Variants in SOX5 observed in about 807,000 individuals in gnomAD.
The protein encoded by SOX5 is SRY-box transcription factor 5, also known as transcription factor SOX-5.
SOX5 carries 9 observed loss-of-function variants against 92.0 expected under a neutral mutation model. That is an observed-to-expected ratio of 0.10 (90% CI 0.06 to 0.17). The LOEUF is 0.17. Among genes scored for constraint, SOX5 ranks in the 10% least tolerant of loss-of-function variants. The pLI is 1.00. For missense variants in SOX5, 642 were observed against 944.5 expected (o/e 0.68, Z 4.20); for synonymous variants, 344 against 336.3 (o/e 1.02, Z -0.25).
At chr12:24,500,190 T>C (rs1251388929) in intron 1 of SOX5, among the ~76,000 whole-genome samples, 1 of 152,218 alleles carries the variant, frequency 6.6e-6, no homozygotes, top group Non-Finnish European at 1.5e-5. Context: ...AATCTCTGAC[T>C]AGGAAGTCAT....
chr12:24,053,662 T>G (rs1158541357), intron 4 of SOX5, among the ~76,000 whole-genome samples: 1 of 152,196 alleles, frequency 6.6e-6, no homozygotes, highest in Non-Finnish European at 1.5e-5. Flanking sequence ...CAAAGTCATT[T>G]CATTGTTTGC....
At chr12:23,876,915 G>A (rs1395642472) in intron 2 of SOX5, among the ~76,000 whole-genome samples, 41 of 152,200 alleles carry the variant, frequency 2.7e-4, no homozygotes, top group Non-Finnish European at 7.4e-5. Flanking sequence ...AACACCTCAT[G>A]TTCTCACTCA....
upstream of SOX5, chr12:23,950,776 G>C: frequency 3.4e-6 from 4 of 1,167,902 alleles, no homozygotes; most frequent in Non-Finnish European, 1.2e-6. Flanking sequence ...CAATTATCTA[G>C]ATAAAAATCT....
chr12:23,800,890 T>C (rs1259906424), intron 3 of SOX5, among the ~76,000 whole-genome samples: 2 of 152,096 alleles, frequency 1.3e-5, no homozygotes, highest in Non-Finnish European at 2.9e-5. Context: ...CAATAGGAAA[T>C]TAGATAATGA....
chr12:23,958,925 G>C (rs539611667), intron 4 of SOX5, among the ~76,000 whole-genome samples: 1 of 151,776 alleles, frequency 6.6e-6, no homozygotes, highest in East Asian at 1.9e-4. Context: ...ATAACACCTA[G>C]TCATTAGAGA....
chr12:23,713,262 G>A (rs1001100332), intron 6 of SOX5, among the ~76,000 whole-genome samples: 5 of 152,174 alleles, frequency 3.3e-5, no homozygotes, highest in African/African-American at 1.2e-4. Flanking sequence ...TGCTACAGAT[G>A]CTTCCTCAGA....
At chr12:23,551,618 A>C (rs1413004876) in intron 11 of SOX5, among the ~76,000 whole-genome samples, 1 of 151,972 alleles carries the variant, frequency 6.6e-6, no homozygotes, top group African/African-American at 2.4e-5. Context: ...ATCCGTGAGA[A>C]TAGCCATAGA....
intron 9 of SOX5, among the ~76,000 whole-genome samples, chr12:23,603,496 T>C (rs2074835455): frequency 7.2e-6 from 1 of 139,444 alleles, no homozygotes; most frequent in Non-Finnish European, 1.6e-5. Context: ...GCGTCAGCTT[T>C]CTACTTAACA....
intron 1 of SOX5, among the ~76,000 whole-genome samples, chr12:24,418,624 A>G (rs1479295232): frequency 6.6e-6 from 1 of 152,230 alleles, no homozygotes; most frequent in Non-Finnish European, 1.5e-5. Flanking sequence ...TAGGAATTGC[A>G]GAGATAAGGA....
chr12:24,539,733 G>A (rs1951951570), intron 1 of SOX5, among the ~76,000 whole-genome samples: 1 of 152,016 alleles, frequency 6.6e-6, no homozygotes, highest in Non-Finnish European at 1.5e-5. Flanking sequence ...ACACAATAAA[G>A]ATGTTCAAAG....
chr12:23,907,421 T>A (rs923110835), intron 1 of SOX5, among the ~76,000 whole-genome samples: 1 of 152,144 alleles, frequency 6.6e-6, no homozygotes, highest in Non-Finnish European at 1.5e-5. Flanking sequence ...AATATATAAT[T>A]CAAAACTATT....
At chr12:23,570,927 AAAAATATAT>A (rs1948174070) in intron 10 of SOX5, among the ~76,000 whole-genome samples, 1 of 24,474 alleles carries the variant, frequency 4.1e-5, no homozygotes, top group African/African-American at 1.8e-4. Flanking sequence ...AAAAAAAAAA[AAAAATATAT>A]ATATATATAT....
At chr12:24,025,524 G>A (rs1404286727) in intron 4 of SOX5, among the ~76,000 whole-genome samples, 1 of 151,896 alleles carries the variant, frequency 6.6e-6, no homozygotes, top group Non-Finnish European at 1.5e-5. Context: ...TAGATACAGA[G>A]AACAGTGACT....
At chr12:23,941,834 T>C (rs941807505) in intron 1 of SOX5, among the ~76,000 whole-genome samples, 3 of 151,346 alleles carry the variant, frequency 2.0e-5, no homozygotes, top group African/African-American at 7.3e-5. Context: ...AACATAGACC[T>C]CTTAGAGTAC....
At chr12:23,711,832 T>G (rs944283525) in intron 6 of SOX5, among the ~76,000 whole-genome samples, 1 of 152,218 alleles carries the variant, frequency 6.6e-6, no homozygotes, top group African/African-American at 2.4e-5. Flanking sequence ...TTGTAAATTC[T>G]ATTTCTGAAT....
intron 4 of SOX5, among the ~76,000 whole-genome samples, chr12:24,024,003 A>G (rs1954604969): frequency 6.6e-6 from 1 of 152,030 alleles, no homozygotes; most frequent in Non-Finnish European, 1.5e-5. Flanking sequence ...TGCTTTTGAA[A>G]TCCAGAGTCT....
intron 6 of SOX5, among the ~76,000 whole-genome samples, chr12:23,723,439 G>T (rs1167635893): frequency 2.0e-5 from 3 of 152,076 alleles, no homozygotes; most frequent in African/African-American, 7.2e-5. Flanking sequence ...ATCACGAGTG[G>T]CTATGTCAGA....
chr12:24,302,241 G>A (rs1188995281), intron 2 of SOX5, among the ~76,000 whole-genome samples: 1 of 151,996 alleles, frequency 6.6e-6, no homozygotes, highest in Non-Finnish European at 1.5e-5. Context: ...CCCTACATAT[G>A]TATGTCCATG....
At chr12:24,095,628 T>C (rs1945312207) in intron 4 of SOX5, among the ~76,000 whole-genome samples, 3 of 152,108 alleles carry the variant, frequency 2.0e-5, no homozygotes, top group Non-Finnish European at 4.4e-5. Flanking sequence ...AACTCTGATA[T>C]GGTTAGGCAG....
Sources: allele counts gnomAD v4.1 joint callset (sites outside exome capture counted in the v4.1 genomes callset), GRCh38; gene constraint gnomAD v4.1.1; transcripts MANE v1.5; gene names NCBI Gene and HGNC (gene_info 2026-07-23, HGNC 2026-07-21).